The following XPNPEP3 variants were observed in gnomAD, a reference collection of about 807,000 sequenced individuals.
The protein encoded by XPNPEP3 is xaa-Pro aminopeptidase 3.
Under a neutral mutation model 60.0 loss-of-function variants are expected in XPNPEP3, and 41 were observed. The ratio of observed to expected loss-of-function variants is 0.68; its 90% CI spans 0.53 to 0.89. The LOEUF (loss-of-function observed/expected upper bound fraction) is 0.89, where lower values mean the gene tolerates loss of function less well. Among genes scored for constraint, XPNPEP3 ranks in the 40% least tolerant of loss-of-function variants. The pLI is 0.00. For synonymous variants in XPNPEP3, 212 were observed against 223.2 expected, an observed-to-expected ratio of 0.95 and a Z score of 0.45; for missense variants, 598 against 638.9, an observed-to-expected ratio of 0.94 and a Z score of 0.69.
intron 3 of XPNPEP3, 130 bp from the exon 4 acceptor site, chr22:40,886,183 G>T (rs1454213984): frequency 2.3e-6 from 2 of 884,644 alleles, no homozygotes; most frequent in Admixed American, 3.9e-5. Flanking sequence ...AGAGTCTTAA[G>T]TCTCAACACT....
chr22:40,914,388 T>C (rs990020849), intron 7 of XPNPEP3, 64 bp downstream of exon 7: 6 of 1,357,466 alleles, frequency 4.4e-6, no homozygotes, highest in Non-Finnish European at 5.3e-6. Context: ...AATATGGCTA[T>C]ATTTGGAATG....
At chr22:40,894,134 C>T (rs903628144) in intron 4 of XPNPEP3, among the ~76,000 whole-genome samples, 7 of 152,126 alleles carry the variant, frequency 4.6e-5, no homozygotes, top group African/African-American at 1.7e-4. Context: ...GATACAGGTG[C>T]TGCTATGATC....
chr22:40,877,358 A>G (rs1472518080), intron 2 of XPNPEP3, among the ~76,000 whole-genome samples: 1 of 152,224 alleles, frequency 6.6e-6, no homozygotes, highest in Non-Finnish European at 1.5e-5. Context: ...AAATCAGACC[A>G]TGTTAAAATT....
intron 6 of XPNPEP3, among the ~76,000 whole-genome samples, chr22:40,913,951 C>G (rs570254372): frequency 1.7e-4 from 26 of 152,190 alleles, no homozygotes; most frequent in Non-Finnish European, 3.2e-4. Context: ...TTGAGACATC[C>G]TGACCAACAT....
At chr22:40,879,257 C>T (rs2058038467) in intron 2 of XPNPEP3, among the ~76,000 whole-genome samples, 1 of 152,160 alleles carries the variant, frequency 6.6e-6, no homozygotes. Flanking sequence ...CGTAAGGCCT[C>T]CACTTATCAC....
Position 40,862,277 on chromosome 22 carries a change from T to C in XPNPEP3, c.64+5032T>C, listed in dbSNP as rs962201466. 8.0e-6 allele frequency: 9 copies of C among 1,118,278 alleles called. No homozygotes were observed. The East Asian group carries it at 5.2e-4, about 65-fold the overall frequency. The allele number at this position is 1,118,278 out of a possible 1,614,324, so 69.3% of individuals were successfully genotyped here. On this transcript the variant is annotated intron_variant, in intron 1 of 9. Coordinates refer to ENST00000357137, the MANE Select transcript of XPNPEP3 (RefSeq NM_022098.4). ...AGTCCAGAGTCGTACCAGACCATCC[T>C]GAATCCTCTGGACTGTTTCCCCTGT...
chr22:40,864,497 G>A (rs993094208), intron 1 of XPNPEP3, among the ~76,000 whole-genome samples: 4 of 152,140 alleles, frequency 2.6e-5, no homozygotes, highest in African/African-American at 9.7e-5. Context: ...CCAGGCTGGA[G>A]TGCAATGGTG....
chr22:40,873,104 T>TTTC (rs1569017067), intron 2 of XPNPEP3, among the ~76,000 whole-genome samples: 13 of 130,336 alleles, frequency 1.0e-4, no homozygotes, highest in Admixed American at 5.3e-4. Flanking sequence ...TTTTCTTTTT[T>TTTC]TTTTTTTTTT....
At chr22:40,871,431 C>T (rs971592752) in intron 2 of XPNPEP3, among the ~76,000 whole-genome samples, 9 of 152,126 alleles carry the variant, frequency 5.9e-5, no homozygotes, top group Admixed American at 3.9e-4. Context: ...CTTGGTTTCT[C>T]CAAAAGGTTT....
intron 3 of XPNPEP3, among the ~76,000 whole-genome samples, chr22:40,882,962 G>A (rs578076355): frequency 2.4e-4 from 37 of 152,172 alleles, no homozygotes; most frequent in African/African-American, 6.7e-4. Context: ...AGTGGTGTAC[G>A]TCTGTAGTCC....
intron 6 of XPNPEP3, among the ~76,000 whole-genome samples, chr22:40,912,236 C>T (rs910694518): frequency 3.3e-5 from 5 of 152,040 alleles, no homozygotes; most frequent in Middle Eastern, 6.3e-3. Context: ...TCACTTTGAT[C>T]ATTCTTGTGC....
intron 2 of XPNPEP3, among the ~76,000 whole-genome samples, chr22:40,881,049 T>C (rs961069206): frequency 2.0e-5 from 3 of 152,142 alleles, no homozygotes; most frequent in Middle Eastern, 3.4e-3. Flanking sequence ...TTATATACTT[T>C]ATTATTATTA....
chr22:40,899,306 T>A (rs1323454382), intron 4 of XPNPEP3, among the ~76,000 whole-genome samples: 1 of 152,300 alleles, frequency 6.6e-6, no homozygotes, highest in East Asian at 1.9e-4. Flanking sequence ...ATTCTGAGCT[T>A]ACTTTCAGCC....
intron 7 of XPNPEP3, among the ~76,000 whole-genome samples, chr22:40,918,419 C>G (rs1455257131): frequency 6.6e-6 from 1 of 152,106 alleles, no homozygotes; most frequent in Admixed American, 6.6e-5. Flanking sequence ...CGCCTGTAAT[C>G]CCAGCACTTT....
chr22:40,914,224 C>T lies in XPNPEP3; in HGVS notation c.970-15C>T. ...CATGAGCTTATCCACTTTAACCTGT[C>T]TTACTTTGTTCCAGGATGGGGAAAT... On this transcript the variant is annotated splice_polypyrimidine_tract_variant and intron_variant, in intron 6 of 9. Coordinates refer to ENST00000357137, the MANE Select transcript of XPNPEP3 (RefSeq NM_022098.4). The T allele has an allele frequency of 6.2e-7, 1 of 1,609,702 alleles. No homozygotes were observed. The highest frequency in any genetic ancestry group is 2.2e-5 in the East Asian group (1 of 44,836).
chr22:40,861,334 AT>A (rs766029360), intron 1 of XPNPEP3: 1 of 1,614,176 alleles, frequency 6.2e-7, no homozygotes, highest in Non-Finnish European at 8.5e-7. Flanking sequence ...ACAAGAAAAA[AT>A]GTCAACTCTC....
chr22:40,913,369 T>G, intron 6 of XPNPEP3, among the ~76,000 whole-genome samples: 1 of 143,492 alleles, frequency 7.0e-6, no homozygotes, highest in Admixed American at 7.2e-5. Flanking sequence ...ACCTAGGAGG[T>G]GGAGGTTGCA....
intron 4 of XPNPEP3, among the ~76,000 whole-genome samples, chr22:40,888,963 T>C (rs1474118518): frequency 6.6e-6 from 1 of 152,192 alleles, no homozygotes; most frequent in Non-Finnish European, 1.5e-5. Context: ...CCCTAATGAT[T>C]AGTGGTGTTG....
rs564294482 is a variant in XPNPEP3, at chr22:40,926,966, T to G, written c.*531T>G. The G allele has an allele frequency of 1.5e-3, 287 of 188,982 alleles. 1 individual carries two copies. Among genetic ancestry groups the G allele is most frequent in the African/African-American group, 6.1e-3 (255 of 41,950 alleles). The allele number at this position is 188,982 out of a possible 1,614,324, so 11.7% of individuals were successfully genotyped here. On this transcript the variant is annotated 3_prime_UTR_variant, in exon 10 of 10. Transcript: ENST00000357137. Reference sequence around the variant, plus strand: ...CTCCCTACCTATTCTAGATCCTGCATATCTACTGGAGCCATATGAGCCCTC... The same window carrying G: ...CTCCCTACCTATTCTAGATCCTGCAGATCTACTGGAGCCATATGAGCCCTC...
Sources: gnomAD v4.1 joint callset for allele counts (sites outside exome capture counted in the v4.1 genomes callset) on GRCh38, gnomAD v4.1.1 for gene constraint, MANE v1.5 for transcripts, NCBI Gene and HGNC (gene_info 2026-07-23, HGNC 2026-07-21) for gene names.